RBFOX1: variants seen among roughly 807,000 people sequenced by gnomAD.
RBFOX1 encodes the protein RNA binding fox-1 homolog 1.
A neutral mutation model predicts 57.7 loss-of-function variants in RBFOX1; 8 were observed. That is an observed-to-expected ratio of 0.14 (90% CI 0.08 to 0.25). RBFOX1 has a LOEUF of 0.25. Among genes scored for constraint, RBFOX1 ranks in the 10% least tolerant of loss-of-function variants. The pLI is 1.00. For missense variants in RBFOX1, 611 were observed against 548.5 expected, an observed-to-expected ratio of 1.11 and a Z score of -1.14; for synonymous variants, 326 against 222.4, an observed-to-expected ratio of 1.47 and a Z score of -4.15.
chr16:7,477,566 A>G (rs1383234499), intron 4 of RBFOX1, among the ~76,000 whole-genome samples: 1 of 152,134 alleles, frequency 6.6e-6, no homozygotes, highest in Non-Finnish European at 1.5e-5. Flanking sequence ...AACTTGACAG[A>G]TTCCGGCTGG....
At chr16:7,321,066 T>C in intron 4 of RBFOX1, among the ~76,000 whole-genome samples, 1 of 103,914 alleles carries the variant, frequency 9.6e-6, no homozygotes, top group African/African-American at 7.2e-5. Context: ...TATCTATCTG[T>C]CTATCTATAC....
At chr16:6,433,557 C>T (rs1163359611) in intron 2 of RBFOX1, among the ~76,000 whole-genome samples, 1 of 152,162 alleles carries the variant, frequency 6.6e-6, no homozygotes, top group South Asian at 2.1e-4. Context: ...TAACAAATTA[C>T]CACAAATTCA....
chr16:5,958,452 C>G (rs993567163), intron 4 of RBFOX1, among the ~76,000 whole-genome samples: 4 of 152,164 alleles, frequency 2.6e-5, no homozygotes, highest in African/African-American at 7.2e-5. Flanking sequence ...CCACCACAGT[C>G]CATTCCATGG....
At chr16:6,706,886 A>T (rs1455903084) in intron 3 of RBFOX1, among the ~76,000 whole-genome samples, 1 of 152,068 alleles carries the variant, frequency 6.6e-6, no homozygotes, top group East Asian at 1.9e-4. Flanking sequence ...TGTCTCAGAG[A>T]ACTCCTGTTT....
chr16:6,493,830 C>G lies in RBFOX1; in HGVS notation c.-63-160773C>G, dbSNP rs1246073909. On this transcript the variant is annotated intron_variant, in intron 2 of 15. Coordinates refer to ENST00000550418, the MANE Select transcript of RBFOX1 (RefSeq NM_018723.4). ...ATTTCACTTCCTTTAAACACGCCAA[C>G]TGAATATACGAAAGCTAGAAATAAT... Among the ~76,000 whole-genome samples the G allele has an allele frequency of 1.3e-5, 2 of 152,194 alleles. 1 individual carries two copies. Among genetic ancestry groups the G allele is most frequent in the African/African-American group, 4.8e-5 (2 of 41,446 alleles).
chr16:5,779,191 T>A (rs1050787064), intron 3 of RBFOX1, among the ~76,000 whole-genome samples: 1 of 152,206 alleles, frequency 6.6e-6, no homozygotes, highest in Non-Finnish European at 1.5e-5. Flanking sequence ...TCAGCTTTCC[T>A]TCCCCCCTCA....
chr16:5,278,011 A>G (rs905234657), intron 1 of RBFOX1, among the ~76,000 whole-genome samples: 4 of 151,808 alleles, frequency 2.6e-5, no homozygotes, highest in African/African-American at 9.7e-5. Context: ...TTTTTTTTGG[A>G]TATATACCCG....
intron 4 of RBFOX1, among the ~76,000 whole-genome samples, chr16:5,963,177 G>A (rs1005059891): frequency 6.6e-5 from 10 of 152,144 alleles, no homozygotes; most frequent in African/African-American, 1.2e-4. Context: ...GCCCACATCC[G>A]TCTTTATAGG....
At chr16:6,973,990 A>G (rs1350915215) in intron 3 of RBFOX1, among the ~76,000 whole-genome samples, 4 of 151,956 alleles carry the variant, frequency 2.6e-5, no homozygotes, top group Admixed American at 2.6e-4. Flanking sequence ...ATGTGTTCTC[A>G]TTGTTCAGCT....
At chr16:7,651,056 C>T (rs182523140) in intron 11 of RBFOX1, among the ~76,000 whole-genome samples, 20 of 150,628 alleles carry the variant, frequency 1.3e-4, no homozygotes, top group South Asian at 4.2e-4. Flanking sequence ...CATGATCTAT[C>T]TTTAGCAAGA....
chr16:5,649,101 A>T (rs1051469312), intron 3 of RBFOX1, among the ~76,000 whole-genome samples: 1 of 152,134 alleles, frequency 6.6e-6, no homozygotes, highest in Non-Finnish European at 1.5e-5. Flanking sequence ...AGATACATAA[A>T]AGCGATTATA....
intron 3 of RBFOX1, among the ~76,000 whole-genome samples, chr16:5,661,940 C>A (rs1394383728): frequency 6.6e-6 from 1 of 152,088 alleles, no homozygotes; most frequent in South Asian, 2.1e-4. Context: ...CACGTGCCAC[C>A]AAGCACAGCT....
chr16:6,960,620 T>A lies in RBFOX1; in HGVS notation c.-15-91437T>A, dbSNP rs371066863. 1.2e-4 allele frequency among the ~76,000 whole-genome samples: 19 copies of A among 152,186 alleles called. 2 individuals are homozygous for A. Among genetic ancestry groups the A allele is most frequent in the Admixed American group, 1.1e-3 (17 of 15,290 alleles). On this transcript the variant is annotated intron_variant, in intron 3 of 15. Transcript: ENST00000550418. ...CAGAGGAGGCCCCCGCCTGCCTTTTTTCCTGCCTTCTCTCCTTCCTTCCTC... is the reference window on the plus strand; with the variant it reads ...CAGAGGAGGCCCCCGCCTGCCTTTTATCCTGCCTTCTCTCCTTCCTTCCTC...
At chr16:5,621,225 C>T (rs891545074) in intron 3 of RBFOX1, among the ~76,000 whole-genome samples, 3 of 152,162 alleles carry the variant, frequency 2.0e-5, no homozygotes, top group Non-Finnish European at 4.4e-5. Flanking sequence ...GATCTTCCCA[C>T]CTCAACCTCC....
chr16:5,809,555 C>CA (rs1185557676), intron 3 of RBFOX1, among the ~76,000 whole-genome samples: 1 of 151,916 alleles, frequency 6.6e-6, no homozygotes, highest in Non-Finnish European at 1.5e-5. Context: ...TTTATGCAGC[C>CA]AAAAAAACAC....
At chr16:7,173,961 C>T (rs2081195909) in intron 4 of RBFOX1, among the ~76,000 whole-genome samples, 1 of 152,166 alleles carries the variant, frequency 6.6e-6, no homozygotes, top group African/African-American at 2.4e-5. Flanking sequence ...AAATGAAAGA[C>T]AAACCATTTG....
intron 2 of RBFOX1, among the ~76,000 whole-genome samples, chr16:6,514,973 CAA>C (rs1281779121): frequency 6.6e-6 from 1 of 151,738 alleles, no homozygotes; most frequent in Non-Finnish European, 1.5e-5. Flanking sequence ...AAAAGAAAAA[CAA>C]GAACAAAAAC....
chr16:6,437,635 T>TA (rs1182620740), intron 2 of RBFOX1, among the ~76,000 whole-genome samples: 1 of 152,184 alleles, frequency 6.6e-6, no homozygotes, highest in Non-Finnish European at 1.5e-5. Context: ...AAAAGAGGTT[T>TA]AATTGACTCA....
intron 4 of RBFOX1, among the ~76,000 whole-genome samples, chr16:7,233,061 A>T (rs1162757824): frequency 6.6e-6 from 1 of 152,004 alleles, no homozygotes; most frequent in Non-Finnish European, 1.5e-5. Context: ...CTTGCTCTTG[A>T]TGTTCCCAAC....
Sources: allele counts gnomAD v4.1 joint callset (sites outside exome capture counted in the v4.1 genomes callset), GRCh38; gene constraint gnomAD v4.1.1; transcripts MANE v1.5; gene names NCBI Gene and HGNC (gene_info 2026-07-23, HGNC 2026-07-21).